The following GPHN variants were observed in gnomAD, a reference collection of about 807,000 sequenced individuals.
GPHN encodes gephyrin.
A neutral mutation model predicts 95.5 loss-of-function variants in GPHN; 17 were observed. The observed-to-expected ratio is 0.18, with a 90% CI of 0.12 to 0.27. The LOEUF (loss-of-function observed/expected upper bound fraction) is 0.27. Ranked by LOEUF, GPHN falls within the 10% of genes least tolerant of loss-of-function variation. The pLI, the probability that GPHN is intolerant of heterozygous loss-of-function variation, is 1.00. For missense variants in GPHN, 660 were observed against 978.1 expected, an observed-to-expected ratio of 0.67 and a Z score of 4.34; for synonymous variants, 320 against 322.5, an observed-to-expected ratio of 0.99 and a Z score of 0.08.
intron 1 of GPHN, among the ~76,000 whole-genome samples, chr14:66,545,836 G>A (rs1398228687): frequency 1.2e-4 from 17 of 143,334 alleles, no homozygotes; most frequent in African/African-American, 3.4e-4. Context: ...CTCTCCTCCC[G>A]GACGGGGTGG....
At chr14:67,700,008 T>G in the GPHN span, among the ~76,000 whole-genome samples, 2 of 151,684 alleles carry the variant, frequency 1.3e-5, no homozygotes, top group Non-Finnish European at 2.9e-5. Context: ...GGCGTGGTGG[T>G]GCGCACCTGT....
the GPHN span, chr14:67,725,175 G>A: frequency 1.1e-4 from 181 of 1,614,176 alleles, 1 homozygote; most frequent in African/African-American, 2.3e-3. Flanking sequence ...TGGATACAAA[G>A]AACTCCCAGG....
chr14:67,180,890 C>G lies in GPHN; in HGVS notation c.2263C>G (p.Leu755Val). The G allele has an allele frequency of 6.2e-7, 1 of 1,613,934 alleles. No homozygotes were observed. The highest frequency in any genetic ancestry group is 8.5e-7 in the Non-Finnish European group (1 of 1,179,894). Residue 755 changes from leucine to valine, a missense_variant, in exon 23 of 23, where the codon CTC (leucine) becomes GTC (valine). Leu to Val is a conservative substitution (Grantham distance 32, BLOSUM62 1). Transcript: ENST00000478722. ...LPPKTEQYVE[L>V]HKGEVVDVMV... ...TCCAAAGACAGAACAGTACGTGGAG[C>G]TCCACAAAGGCGAGGTGGTGGATGT...
intron 11 of GPHN, among the ~76,000 whole-genome samples, chr14:67,067,540 G>T (rs1435459470): frequency 6.6e-6 from 1 of 152,200 alleles, no homozygotes. Flanking sequence ...CTTTTGTTCA[G>T]CTATGCCCTG....
intron 9 of GPHN, among the ~76,000 whole-genome samples, chr14:67,007,601 T>C (rs1166546004): frequency 6.6e-6 from 1 of 152,248 alleles, no homozygotes; most frequent in African/African-American, 2.4e-5. Context: ...GGCAAAGGTC[T>C]CTGTAGCCAT....
At chr14:67,576,137 G>A in the GPHN span, 1 of 704,582 alleles carries the variant, frequency 1.4e-6, no homozygotes, top group South Asian at 1.9e-5. This position sits in a 1 kb window ranked among gnomAD's most constrained non-coding sequence, Gnocchi z 4.0. Context: ...AATATTCTCT[G>A]AATGGGAATA....
the GPHN span, among the ~76,000 whole-genome samples, chr14:67,633,769 G>A: frequency 1.3e-5 from 2 of 152,208 alleles, no homozygotes; most frequent in Admixed American, 6.5e-5. Flanking sequence ...GGTGCACTCT[G>A]GGTTCGGAGG....
chr14:67,586,039 A>G, the GPHN span: 1 of 1,613,960 alleles, frequency 6.2e-7, no homozygotes, highest in Non-Finnish European at 8.5e-7. Context: ...TCTATCCCAG[A>G]CAAGAGCTCT....
At chr14:67,221,918 T>C in the GPHN span, 1 of 1,348,122 alleles carries the variant, frequency 7.4e-7, no homozygotes, top group South Asian at 1.4e-5. Context: ...AGCTAGACTT[T>C]TTGATGCATT....
chr14:67,376,384 CATTTTTT>C, the GPHN span: 10 of 1,485,004 alleles, frequency 6.7e-6, no homozygotes, highest in East Asian at 2.4e-4. Flanking sequence ...AATGTAAAAA[CATTTTTT>C]ATAAATCTCT....
intron 1 of GPHN, among the ~76,000 whole-genome samples, chr14:66,572,421 T>C (rs2060729994): frequency 6.6e-6 from 1 of 152,194 alleles, no homozygotes; most frequent in South Asian, 2.1e-4. Context: ...AATTTTTTTG[T>C]GTGCGTGTTT....
At chr14:66,966,209 AC>A (rs2069313896) in intron 9 of GPHN, among the ~76,000 whole-genome samples, 1 of 152,120 alleles carries the variant, frequency 6.6e-6, no homozygotes, top group South Asian at 2.1e-4. Context: ...AAATTTAAGG[AC>A]CTGTATAGCT....
intron 9 of GPHN, among the ~76,000 whole-genome samples, chr14:66,990,135 G>A (rs1422436163): frequency 6.6e-6 from 1 of 152,120 alleles, no homozygotes; most frequent in African/African-American, 2.4e-5. Flanking sequence ...GGCAGGAGGG[G>A]AGAGAGCACA....
the GPHN span, among the ~76,000 whole-genome samples, chr14:67,215,575 A>G: frequency 2.6e-5 from 4 of 152,176 alleles, no homozygotes; most frequent in African/African-American, 9.7e-5. Context: ...ACAGAAACCA[A>G]TAGTCAGAAA....
chr14:66,974,319 G>A (rs1289628802), intron 9 of GPHN, among the ~76,000 whole-genome samples: 16 of 152,070 alleles, frequency 1.1e-4, no homozygotes, highest in Admixed American at 7.9e-4. Flanking sequence ...TGCTGGGTAT[G>A]TAGGATTTTA....
the GPHN span, chr14:67,619,923 C>T: frequency 7.9e-7 from 1 of 1,270,956 alleles, no homozygotes; most frequent in Admixed American, 2.8e-5. Context: ...GGCGCTCACT[C>T]CCGGCTTCCA....
At chr14:67,642,178 G>T in the GPHN span, 514 of 1,612,486 alleles carry the variant, frequency 3.2e-4, 6 homozygotes, top group South Asian at 5.4e-3. Flanking sequence ...TCCCTCATTT[G>T]CTTCCAGGCT....
chr14:66,648,537 T>C (rs2064876456), intron 1 of GPHN, among the ~76,000 whole-genome samples: 1 of 152,186 alleles, frequency 6.6e-6, no homozygotes. Flanking sequence ...TTTACCACTG[T>C]GTTACAGCTG....
At chr14:66,739,344 G>C (rs2072590296) in intron 2 of GPHN, among the ~76,000 whole-genome samples, 1 of 150,662 alleles carries the variant, frequency 6.6e-6, no homozygotes, top group South Asian at 2.1e-4. Flanking sequence ...AGCCTCCCGA[G>C]TAGCTAGGAC....
Sources: allele counts gnomAD v4.1 joint callset (sites outside exome capture counted in the v4.1 genomes callset), GRCh38; gene constraint gnomAD v4.1.1; non-coding constraint Gnocchi (gnomAD v3.1); transcripts MANE v1.5; gene names NCBI Gene and HGNC (gene_info 2026-07-23, HGNC 2026-07-21).